Variants in RBM26 observed in about 807,000 individuals in gnomAD.
RBM26 encodes RNA binding motif protein 26, also known as RNA-binding protein 26.
In RBM26, 30 loss-of-function variants were observed where a neutral mutation model predicts 123.6. The observed-to-expected ratio is 0.24, with a 90% CI of 0.18 to 0.33. The LOEUF is 0.33. RBM26 is among the 10% of genes least tolerant of loss of function. RBM26 has a pLI of 1.00. For synonymous variants in RBM26, 400 were observed against 404.4 expected, an observed-to-expected ratio of 0.99 and a Z score of 0.13; for missense variants, 947 against 1,203.6, an observed-to-expected ratio of 0.79 and a Z score of 3.15.
At position 79,374,064 on chromosome 13, in the gene RBM26, C is replaced by A. The variant is rs543173797; in HGVS notation, c.328-2134G>T. Among the ~76,000 whole-genome samples the A allele has an allele frequency of 3.7e-4, 56 of 152,148 alleles. 1 individual carries two copies. Among genetic ancestry groups the A allele is most frequent in the African/African-American group, 1.3e-3 (52 of 41,528 alleles). ...AGATAGGGCTCAAGATTTTGTGTTA[C>A]TGAGAACCATAAGATATTCTCATGC... On this transcript the variant is annotated intron_variant, in intron 3 of 21. Coordinates refer to ENST00000438737, the MANE Select transcript of RBM26 (RefSeq NM_001366735.2).
At chr13:79,385,023 G>C (rs1039696046) in intron 1 of RBM26, among the ~76,000 whole-genome samples, 3 of 152,048 alleles carry the variant, frequency 2.0e-5, no homozygotes, top group Admixed American at 1.3e-4. Flanking sequence ...GGTGGTAGTG[G>C]GAATTAAAAA....
chr13:79,342,947 T>C (rs764655906), intron 16 of RBM26, 116 bp from the exon 17 acceptor site: 22 of 626,120 alleles, frequency 3.5e-5, no homozygotes, highest in Non-Finnish European at 5.9e-5. Context: ...GTTTATGCAT[T>C]CGTGAGAAGG....
Position 79,365,954 on chromosome 13 carries a change from T to G in RBM26, c.1276+101A>C. On this transcript the variant is annotated intron_variant, in intron 8 of 21. Coordinates refer to ENST00000438737, the MANE Select transcript of RBM26 (RefSeq NM_001366735.2). Reference sequence around the variant, plus strand: ...ATTCACCACGGCTACATAATTTTAGTGAGAAAAGTAGTCCTCACAGAGCAA... The same window carrying G: ...ATTCACCACGGCTACATAATTTTAGGGAGAAAAGTAGTCCTCACAGAGCAA... The G allele has an allele frequency of 1.1e-5, 13 of 1,177,102 alleles. No homozygotes were observed. In the South Asian group the frequency reaches 2.0e-4, roughly 18 times the overall value. The allele number at this position is 1,177,102 out of a possible 1,614,324, so 72.9% of individuals were successfully genotyped here. A position where few individuals can be genotyped will look rare whatever the true frequency, so the allele number is the denominator to read the frequency against.
intron 2 of RBM26, 66 bp from the exon 3 acceptor site, chr13:79,377,581 T>A: frequency 8.5e-7 from 1 of 1,183,178 alleles, no homozygotes; most frequent in Non-Finnish European, 1.2e-6. Flanking sequence ...CGCTTCCACA[T>A]CTCTTATCTC....
At chr13:79,383,967 G>A (rs1371611403) in intron 1 of RBM26, among the ~76,000 whole-genome samples, 3 of 152,100 alleles carry the variant, frequency 2.0e-5, no homozygotes, top group Non-Finnish European at 4.4e-5. Flanking sequence ...AAAAAGCCCA[G>A]GCCAAGGGAA....
intron 18 of RBM26, among the ~76,000 whole-genome samples, chr13:79,338,831 G>A (rs192042967): frequency 2.6e-4 from 39 of 152,230 alleles, no homozygotes; most frequent in Middle Eastern, 6.8e-3. Context: ...AGAAGTAAAC[G>A]CATTTAAGAT....
chr13:79,388,237 A>G (rs1470357271), intron 1 of RBM26, among the ~76,000 whole-genome samples: 1 of 152,224 alleles, frequency 6.6e-6, no homozygotes, highest in Non-Finnish European at 1.5e-5. Flanking sequence ...CTGGGATTAC[A>G]GGCATGTACC....
At chr13:79,374,256 G>T (rs2076439761) in intron 3 of RBM26, among the ~76,000 whole-genome samples, 1 of 152,076 alleles carries the variant, frequency 6.6e-6, no homozygotes, top group Non-Finnish European at 1.5e-5. Flanking sequence ...ATCACTTGAG[G>T]TCAGCAGTTT....
chr13:79,330,301 G>A (rs2069095090), intron 20 of RBM26, among the ~76,000 whole-genome samples: 1 of 152,040 alleles, frequency 6.6e-6, no homozygotes, highest in Admixed American at 6.6e-5. Flanking sequence ...TAACAAAGGA[G>A]GAAAAAACTA....
At chr13:79,352,422 T>C (rs973360208) in intron 14 of RBM26, among the ~76,000 whole-genome samples, 5 of 151,528 alleles carry the variant, frequency 3.3e-5, no homozygotes, top group Non-Finnish European at 7.4e-5. Context: ...TGATTTCATA[T>C]GCCTCAAATA....
intron 9 of RBM26, among the ~76,000 whole-genome samples, chr13:79,360,628 TAG>T (rs1431235225): frequency 6.6e-6 from 1 of 152,124 alleles, no homozygotes; most frequent in African/African-American, 2.4e-5. Context: ...AGTGAAAGGT[TAG>T]AGTTATGATT....
chr13:79,371,429 T>C (rs946887707), intron 4 of RBM26, among the ~76,000 whole-genome samples: 6 of 152,146 alleles, frequency 3.9e-5, no homozygotes, highest in African/African-American at 1.4e-4. Context: ...ATATAAGACT[T>C]AGAGTACATA....
intron 14 of RBM26, among the ~76,000 whole-genome samples, chr13:79,349,098 T>C (rs760419449): frequency 6.6e-6 from 1 of 152,198 alleles, no homozygotes; most frequent in Non-Finnish European, 1.5e-5. Context: ...AGTTGATGAC[T>C]GTCTGTGTAT....
At chr13:79,316,373 A>G (rs1255623311), downstream of RBM26, among the ~76,000 whole-genome samples, 1 of 149,738 alleles carries the variant, frequency 6.7e-6, no homozygotes, top group East Asian at 2.0e-4. Flanking sequence ...TGATATTTCA[A>G]CATGCCAAAT....
chr13:79,386,314 A>G (rs943768756), intron 1 of RBM26, among the ~76,000 whole-genome samples: 1 of 151,944 alleles, frequency 6.6e-6, no homozygotes, highest in Non-Finnish European at 1.5e-5. Context: ...TTGGAAAAAC[A>G]AGGACCTCAT....
chr13:79,341,314 C>T (rs577744950), intron 17 of RBM26, 87 bp from the exon 18 acceptor site: 2 of 716,514 alleles, frequency 2.8e-6, no homozygotes, highest in South Asian at 2.0e-5. Flanking sequence ...TTACGCAGTC[C>T]CATTTAATCC....
intron 1 of RBM26, among the ~76,000 whole-genome samples, chr13:79,384,986 G>T (rs7329331): frequency 0.51 from 76,766 of 151,970 alleles, 19,788 homozygotes; most frequent in Middle Eastern, 0.6. Flanking sequence ...AAGCTTCCAT[G>T]TTCAGTAATC....
intron 1 of RBM26, among the ~76,000 whole-genome samples, chr13:79,398,810 A>G (rs2078815289): frequency 6.6e-6 from 1 of 152,240 alleles, no homozygotes; most frequent in Non-Finnish European, 1.5e-5. Flanking sequence ...AATAGCTCAC[A>G]TATCTGCTGT....
chr13:79,384,244 GT>G (rs5805028), intron 1 of RBM26, among the ~76,000 whole-genome samples: 117,052 of 133,950 alleles, frequency 0.87, 51,115 homozygotes, highest in South Asian at 0.95. Context: ...AGCTAATAAA[GT>G]TTTTTTTTTT....
Sources: gnomAD v4.1 joint callset for allele counts (sites outside exome capture counted in the v4.1 genomes callset) on GRCh38, gnomAD v4.1.1 for gene constraint, MANE v1.5 for transcripts, NCBI Gene and HGNC (gene_info 2026-07-23, HGNC 2026-07-21) for gene names.